CYP4F22: variants seen among roughly 807,000 people sequenced by gnomAD.
CYP4F22 encodes ultra-long-chain fatty acid omega-hydroxylase.
CYP4F22 carries 37 observed loss-of-function variants against 60.4 expected under a neutral mutation model. The ratio of observed to expected loss-of-function variants is 0.61; its 90% CI spans 0.47 to 0.81. The LOEUF is 0.81. CYP4F22 is among the 30% of genes least tolerant of loss of function. The probability of loss-of-function intolerance (pLI) is 0.00; values close to 1 mark genes in which losing one functional copy is unlikely to be tolerated. For missense variants in CYP4F22, 655 were observed against 715.0 expected (o/e 0.92, Z 0.96); for synonymous variants, 258 against 280.5 (o/e 0.92, Z 0.80).
intron 1 of CYP4F22, among the ~76,000 whole-genome samples, chr19:15,510,966 A>ATATATATATATTTTTTTTT (rs34055543): frequency 9.7e-6 from 1 of 103,336 alleles, no homozygotes; most frequent in African/African-American, 4.6e-5. Context: ...ATATATATAT[A>ATATATATATATTTTTTTTT]TTTTTTTTTT....
chr19:15,518,521 C>T (rs1435893173), intron 1 of CYP4F22, among the ~76,000 whole-genome samples: 31 of 148,790 alleles, frequency 2.1e-4, no homozygotes, highest in Admixed American at 1.8e-3. Flanking sequence ...TGGTGGCAGG[C>T]GCCTGTAATC....
intron 4 of CYP4F22, among the ~76,000 whole-genome samples, chr19:15,536,247 G>T (rs1220963524): frequency 4.6e-5 from 7 of 152,314 alleles, no homozygotes; most frequent in African/African-American, 1.7e-4. Context: ...GCTGAGGTGG[G>T]AGGATCGCTT....
intron 1 of CYP4F22, chr19:15,516,689 T>C: frequency 2.0e-6 from 1 of 512,034 alleles, no homozygotes; most frequent in South Asian, 2.0e-5. Context: ...AGAGGAGCAA[T>C]GGATAAGAGA....
intron 7 of CYP4F22, 143 bp downstream of exon 7, chr19:15,538,136 A>T (rs767057497): frequency 1.4e-5 from 16 of 1,153,522 alleles, no homozygotes; most frequent in Middle Eastern, 2.1e-4. Flanking sequence ...CGGGAAACTG[A>T]CCATCTCTCT....
Position 15,515,389 on chromosome 19 carries a change from T to G in CYP4F22, c.-109+6806T>G, listed in dbSNP as rs961815706. ...TGATCCATTTCCTGTTCTTGGCATCTCTGTACTTTGTTGGTCCAACTCAGA... is the reference window on the plus strand; with the variant it reads ...TGATCCATTTCCTGTTCTTGGCATCGCTGTACTTTGTTGGTCCAACTCAGA... On this transcript the variant is annotated intron_variant, in intron 1 of 13. Coordinates refer to ENST00000269703, the MANE Select transcript of CYP4F22 (RefSeq NM_173483.4). 117 of 1,241,174 alleles carry G rather than the reference T, an allele frequency of 9.4e-5. No individual in the cohort carries two copies. The East Asian group carries it at 3.3e-3, about 35-fold the overall frequency. 76.9% of individuals were successfully genotyped at this position (1,241,174 alleles called of 1,614,324 possible). A position where few individuals can be genotyped will look rare whatever the true frequency, so the allele number is the denominator to read the frequency against.
intron 12 of CYP4F22, among the ~76,000 whole-genome samples, chr19:15,549,491 A>G (rs938574920): frequency 6.6e-6 from 1 of 152,168 alleles, no homozygotes; most frequent in Admixed American, 6.5e-5. Flanking sequence ...CAAATAAATA[A>G]GATTTTGGGT....
chr19:15,533,829 C>T (rs1480761560), intron 4 of CYP4F22, among the ~76,000 whole-genome samples: 1 of 151,950 alleles, frequency 6.6e-6, no homozygotes, highest in Non-Finnish European at 1.5e-5. Context: ...GTCATTAGGG[C>T]TGAATTCATT....
At chr19:15,549,266 A>T (rs1443178460) in intron 12 of CYP4F22, 64 bp downstream of exon 12, 3 of 1,565,332 alleles carry the variant, frequency 1.9e-6, no homozygotes, top group Non-Finnish European at 2.6e-6. Context: ...CCAGGGAGCC[A>T]GCGAGCAGGG....
At chr19:15,548,952 A>G (rs549437250) in intron 11 of CYP4F22, among the ~76,000 whole-genome samples, 186 bp from the exon 12 acceptor site, 7 of 152,268 alleles carry the variant, frequency 4.6e-5, no homozygotes, top group Non-Finnish European at 1.0e-4. Flanking sequence ...AGAAGATGAT[A>G]GGTTCCTCTT....
rs981370095 is a variant in CYP4F22 at position 15,542,862 on chromosome 19, G to C, written c.940-1109G>C. Among the ~76,000 whole-genome samples, 5 of 152,138 alleles carry C rather than the reference G, an allele frequency of 3.3e-5. No homozygotes were observed. In the East Asian group the frequency reaches 7.7e-4, roughly 24 times the overall value. On this transcript the variant is annotated intron_variant, in intron 8 of 13. Coordinates refer to ENST00000269703, the MANE Select transcript of CYP4F22 (RefSeq NM_173483.4). ...GGATGATGGCTTCCAGCTCCATTCAGGTCCCTGCAAAGGACATAATCTTGT... is the reference window on the plus strand; with the variant it reads ...GGATGATGGCTTCCAGCTCCATTCACGTCCCTGCAAAGGACATAATCTTGT...
intron 4 of CYP4F22, among the ~76,000 whole-genome samples, chr19:15,532,699 C>A (rs547804342): frequency 1.3e-5 from 2 of 151,974 alleles, no homozygotes; most frequent in African/African-American, 4.8e-5. Flanking sequence ...TTTCTCCTTC[C>A]TCCTCCCTTC....
chr19:15,532,953 C>T (rs1183737027), intron 4 of CYP4F22, among the ~76,000 whole-genome samples: 10 of 152,128 alleles, frequency 6.6e-5, no homozygotes, highest in Non-Finnish European at 1.5e-4. Flanking sequence ...CCTCTTGGCC[C>T]CAGGGTGCCC....
At chr19:15,514,118 T>C (rs1170550387) in intron 1 of CYP4F22, among the ~76,000 whole-genome samples, 1 of 152,200 alleles carries the variant, frequency 6.6e-6, no homozygotes. Flanking sequence ...AAGCAAATGA[T>C]CATCTAAAGT....
At position 15,550,775 on chromosome 19, in the gene CYP4F22, C is replaced by T; in HGVS notation, c.1418+19C>T. 6.2e-7 allele frequency: 1 copy of T among 1,613,200 alleles called. No homozygotes were observed. The highest frequency in any genetic ancestry group is 1.1e-5 in the South Asian group (1 of 91,070). On this transcript the variant is annotated intron_variant, in intron 13 of 13. Coordinates refer to ENST00000269703, the MANE Select transcript of CYP4F22 (RefSeq NM_173483.4). ...GACCCAGGTAACCCCTCTATTTCCC[C>T]TAGTCCAAGCCAGCTGTGTAGGAAC... is the stretch of plus-strand genomic sequence containing the variant.
chr19:15,513,490 G>T (rs185255458), intron 1 of CYP4F22, among the ~76,000 whole-genome samples: 1 of 150,724 alleles, frequency 6.6e-6, no homozygotes, highest in Non-Finnish European at 1.5e-5. Flanking sequence ...TCAGCCTCCC[G>T]AGTAGCTGGG....
At chr19:15,549,476 A>G (rs914333519) in intron 12 of CYP4F22, among the ~76,000 whole-genome samples, 1 of 151,898 alleles carries the variant, frequency 6.6e-6, no homozygotes, top group African/African-American at 2.4e-5. Flanking sequence ...GGGGAAGACA[A>G]TAAGCAAATA....
intron 1 of CYP4F22, among the ~76,000 whole-genome samples, chr19:15,509,695 C>T (rs1971060190): frequency 6.6e-6 from 1 of 152,130 alleles, no homozygotes; most frequent in South Asian, 2.1e-4. Context: ...ACCCCAAAGC[C>T]TCAGTCCACT....
chr19:15,540,084 T>C (rs1971440153), intron 7 of CYP4F22, among the ~76,000 whole-genome samples: 1 of 152,218 alleles, frequency 6.6e-6, no homozygotes, highest in Non-Finnish European at 1.5e-5. Context: ...GTTTTAGTGA[T>C]GCTACAATGA....
rs141755148 is a variant in CYP4F22 at position 15,537,605 on chromosome 19, C to T, written c.492C>T (p.His164=). 1.9e-6 allele frequency: 3 copies of T among 1,614,176 alleles called. No individual in the cohort carries two copies. The highest frequency in any genetic ancestry group is 2.5e-6 in the Non-Finnish European group (3 of 1,180,054). The change falls in exon 6 of 14, where the codon CAC becomes CAT. Residue 164 remains histidine, a synonymous_variant. Coordinates refer to ENST00000269703, the MANE Select transcript of CYP4F22 (RefSeq NM_173483.4). ...RHRRLLTPAF[H]FDILKPYMKI... The stretch of plus-strand genomic sequence containing the variant: ...GTCGCCTGCTGACACCCGCCTTCCA[C>T]TTTGACATCCTGAAGCCTTACATGA...
Sources: gnomAD v4.1 joint callset for allele counts (sites outside exome capture counted in the v4.1 genomes callset) on GRCh38, gnomAD v4.1.1 for gene constraint, MANE v1.5 for transcripts, NCBI Gene and HGNC (gene_info 2026-07-23, HGNC 2026-07-21) for gene names.